CHCHD3: variants seen among roughly 807,000 people sequenced by gnomAD.
The protein encoded by CHCHD3 is MICOS complex subunit MIC19.
Under a neutral mutation model 38.2 loss-of-function variants are expected in CHCHD3, and 20 were observed. The observed-to-expected ratio is 0.52, with a 90% CI of 0.37 to 0.76. The LOEUF (loss-of-function observed/expected upper bound fraction) is 0.76. CHCHD3 is among the 30% of genes least tolerant of loss of function. CHCHD3 has a pLI of 0.00. For synonymous variants in CHCHD3, 82 were observed against 100.0 expected (o/e 0.82, Z 1.07); for missense variants, 245 against 279.2 (o/e 0.88, Z 0.87).
At chr7:132,959,771 A>G (rs1480692148) in intron 4 of CHCHD3, among the ~76,000 whole-genome samples, 5 of 151,970 alleles carry the variant, frequency 3.3e-5, no homozygotes, top group Admixed American at 2.6e-4. Context: ...AAATGCATGC[A>G]TGGGTTTACA....
chr7:132,896,125 A>G (rs1249885306), intron 4 of CHCHD3, among the ~76,000 whole-genome samples: 1 of 152,244 alleles, frequency 6.6e-6, no homozygotes, highest in African/African-American at 2.4e-5. Flanking sequence ...AAGGTACAAA[A>G]GCAATGAGAG....
intron 4 of CHCHD3, among the ~76,000 whole-genome samples, chr7:132,929,826 A>C (rs1810473772): frequency 6.6e-6 from 1 of 152,158 alleles, no homozygotes; most frequent in Non-Finnish European, 1.5e-5. Context: ...TAGATGCTTG[A>C]GAGCTGAGAG....
chr7:133,018,436 C>G (rs10273233), intron 3 of CHCHD3, among the ~76,000 whole-genome samples: 5,386 of 152,308 alleles, frequency 0.035, 312 homozygotes, highest in African/African-American at 0.12. Context: ...TGACTGCTAA[C>G]TGATCTCATA....
intron 7 of CHCHD3, among the ~76,000 whole-genome samples, chr7:132,791,029 A>G (rs965545459): frequency 6.6e-6 from 1 of 152,234 alleles, no homozygotes; most frequent in Non-Finnish European, 1.5e-5. Context: ...ATAGCTCCCC[A>G]TCTCCCAAAA....
At chr7:132,925,242 GAAA>G (rs1052976515) in intron 4 of CHCHD3, among the ~76,000 whole-genome samples, 1 of 149,518 alleles carries the variant, frequency 6.7e-6, no homozygotes, top group East Asian at 2.0e-4. Context: ...TTAAAAAAAA[GAAA>G]AAAAAAGGAG....
intron 2 of CHCHD3, among the ~76,000 whole-genome samples, chr7:133,059,210 G>A (rs548762556): frequency 3.9e-5 from 6 of 152,310 alleles, no homozygotes; most frequent in African/African-American, 1.2e-4. Context: ...AAGATAGAGT[G>A]AAGAAAAGCT....
chr7:133,028,966 C>T (rs554933037), intron 2 of CHCHD3, among the ~76,000 whole-genome samples: 26 of 151,992 alleles, frequency 1.7e-4, no homozygotes, highest in African/African-American at 5.6e-4. Context: ...CGTGATGCCC[C>T]GCATGACCTA....
At chr7:132,911,836 T>C (rs1451406742) in intron 4 of CHCHD3, among the ~76,000 whole-genome samples, 3 of 152,176 alleles carry the variant, frequency 2.0e-5, no homozygotes, top group Non-Finnish European at 4.4e-5. Flanking sequence ...TTGGTATGAG[T>C]GAGATCACTA....
rs540021312 is a variant in CHCHD3, at chr7:132,833,002, G to A, written c.524+5397C>T. On this transcript the variant is annotated intron_variant, in intron 6 of 7. Transcript: ENST00000262570. ...TAAAAACAAATACAGAGATTTCTCC[G>A]ATAGCACATAGTTTCATAACTTTTG... Among the ~76,000 whole-genome samples, 184 of 152,286 alleles carry A rather than the reference G, an allele frequency of 1.2e-3. 1 individual carries two copies. Among genetic ancestry groups the A allele is most frequent in the African/African-American group, 4.2e-3 (175 of 41,558 alleles).
At chr7:132,901,842 G>A (rs1330824417) in intron 4 of CHCHD3, among the ~76,000 whole-genome samples, 1 of 152,074 alleles carries the variant, frequency 6.6e-6, no homozygotes, top group East Asian at 1.9e-4. Context: ...TGTCAATTTT[G>A]GTTTTTGTTG....
intron 6 of CHCHD3, among the ~76,000 whole-genome samples, chr7:132,827,702 A>G (rs898330581): frequency 1.8e-4 from 27 of 152,160 alleles, no homozygotes; most frequent in African/African-American, 6.3e-4. Flanking sequence ...TCCCTTTCCA[A>G]TCAAATCTCC....
intron 5 of CHCHD3, among the ~76,000 whole-genome samples, chr7:132,865,724 G>A (rs775291109): frequency 7.9e-5 from 12 of 152,142 alleles, no homozygotes; most frequent in Admixed American, 2.0e-4. Flanking sequence ...TGCTTCTAAC[G>A]AGCAAAGGCA....
intron 5 of CHCHD3, among the ~76,000 whole-genome samples, chr7:132,854,333 G>T (rs1808293669): frequency 6.6e-6 from 1 of 152,070 alleles, no homozygotes; most frequent in South Asian, 2.1e-4. Flanking sequence ...TTAGACTTTG[G>T]TTTGTTTTTT....
intron 5 of CHCHD3, among the ~76,000 whole-genome samples, chr7:132,855,814 A>G (rs1427610463): frequency 6.7e-6 from 1 of 149,966 alleles, no homozygotes; most frequent in African/African-American, 2.4e-5. Context: ...ACTGCAGCAA[A>G]GCAGTTCATT....
At chr7:132,907,483 T>C (rs553993818) in intron 4 of CHCHD3, among the ~76,000 whole-genome samples, 29 of 152,056 alleles carry the variant, frequency 1.9e-4, no homozygotes, top group East Asian at 1.7e-3. Flanking sequence ...TGGGCAGAGA[T>C]AGGGTCAAAG....
intron 3 of CHCHD3, among the ~76,000 whole-genome samples, chr7:132,980,693 A>T (rs1431508097): frequency 6.6e-6 from 1 of 152,172 alleles, no homozygotes; most frequent in Non-Finnish European, 1.5e-5. Context: ...ACACCAGCAA[A>T]ATGAATTCCT....
chr7:132,912,715 C>T (rs373590305), intron 4 of CHCHD3, among the ~76,000 whole-genome samples: 11 of 152,230 alleles, frequency 7.2e-5, no homozygotes, highest in Middle Eastern at 3.4e-3. Flanking sequence ...CCACCACACC[C>T]GGCTAATTTT....
At chr7:132,989,441 A>G (rs2117366910) in intron 3 of CHCHD3, among the ~76,000 whole-genome samples, 1 of 152,048 alleles carries the variant, frequency 6.6e-6, no homozygotes, top group Non-Finnish European at 1.5e-5. Context: ...GCCTAGGACT[A>G]TAATTATGGA....
chr7:132,844,521 A>G (rs1808023106), intron 5 of CHCHD3, among the ~76,000 whole-genome samples: 1 of 152,212 alleles, frequency 6.6e-6, no homozygotes, highest in Admixed American at 6.5e-5. Context: ...GATTTGTCCA[A>G]TGGTACGGTT....
Sources: allele counts gnomAD v4.1 joint callset (sites outside exome capture counted in the v4.1 genomes callset), GRCh38; gene constraint gnomAD v4.1.1; transcripts MANE v1.5; gene names NCBI Gene and HGNC (gene_info 2026-07-23, HGNC 2026-07-21).